KATNAL2: variants seen among roughly 807,000 people sequenced by gnomAD.
The protein encoded by KATNAL2 is katanin p60 ATPase-containing subunit A-like 2.
In KATNAL2, 52 loss-of-function variants were observed where a neutral mutation model predicts 76.3. That is an observed-to-expected ratio of 0.68 (90% CI 0.55 to 0.86). KATNAL2 has a LOEUF of 0.86. Among genes scored for constraint, KATNAL2 ranks in the 40% least tolerant of loss-of-function variants. The pLI is 0.00. For missense variants in KATNAL2, 660 were observed against 668.9 expected, an observed-to-expected ratio of 0.99 and a Z score of 0.15; for synonymous variants, 243 against 244.2, an observed-to-expected ratio of 1.00 and a Z score of 0.05.
At chr18:46,924,726 ATTTG>A (rs1226042274) in intron 1 of KATNAL2, among the ~76,000 whole-genome samples, 11 of 152,108 alleles carry the variant, frequency 7.2e-5, no homozygotes, top group African/African-American at 2.4e-4. Context: ...ATGTTCTTCC[ATTTG>A]TTTGTATCCT....
chr18:47,058,641 G>A lies in KATNAL2; in HGVS notation c.450+289G>A, dbSNP rs569402935. ...GGTGGGGCCAGGGCCCAGTCAGAGCGGGAAGGCCTGGTTGCCTTGATCCTC... is the reference window on the plus strand; with the variant it reads ...GGTGGGGCCAGGGCCCAGTCAGAGCAGGAAGGCCTGGTTGCCTTGATCCTC... On this transcript the variant is annotated intron_variant, in intron 7 of 17. Coordinates refer to ENST00000683218, the MANE Select transcript of KATNAL2 (RefSeq NM_001387690.1). Among the ~76,000 whole-genome samples the A allele has an allele frequency of 2.8e-5, 4 of 144,620 alleles. No homozygotes were observed. In the South Asian group the frequency reaches 8.3e-4, roughly 30 times the overall value. 94.9% of individuals were successfully genotyped at this position (144,620 alleles called of 152,430 possible).
intron 1 of KATNAL2, among the ~76,000 whole-genome samples, chr18:46,922,687 C>A (rs1314103723): frequency 1.3e-5 from 2 of 151,602 alleles, no homozygotes; most frequent in African/African-American, 4.8e-5. Flanking sequence ...ATCCTAGCAA[C>A]TTGGGAGGCT....
intron 3 of KATNAL2, among the ~76,000 whole-genome samples, chr18:46,949,371 A>G (rs2059481859): frequency 6.6e-6 from 1 of 151,390 alleles, no homozygotes. Context: ...CCCCACCTCA[A>G]CCTCCCAAGT....
intron 15 of KATNAL2, among the ~76,000 whole-genome samples, chr18:47,078,804 G>A (rs963747945): frequency 6.6e-6 from 1 of 151,976 alleles, no homozygotes; most frequent in African/African-American, 2.4e-5. Flanking sequence ...GGTTCACAGA[G>A]GTCAAAAAAC....
chr18:46,937,574 A>T (rs1480043879), intron 1 of KATNAL2, among the ~76,000 whole-genome samples: 1 of 152,130 alleles, frequency 6.6e-6, no homozygotes, highest in Non-Finnish European at 1.5e-5. Flanking sequence ...GCATATATAC[A>T]TGCTTCTAAA....
rs546060809 is a variant in KATNAL2, at chr18:47,073,758, G to A, written c.1009-1519G>A. ...TGATGCTTACATCTTTCAATGCACC[G>A]CCCCCCAGTTGTATGATTTAACTTC... On this transcript the variant is annotated intron_variant, in intron 13 of 17. Transcript: ENST00000683218. 3.3e-5 allele frequency among the ~76,000 whole-genome samples: 5 copies of A among 152,178 alleles called. No homozygotes were observed. The East Asian group carries it at 5.8e-4, about 18-fold the overall frequency.
intron 3 of KATNAL2, among the ~76,000 whole-genome samples, chr18:46,954,422 C>T (rs2059662758): frequency 6.6e-6 from 1 of 150,766 alleles, no homozygotes; most frequent in South Asian, 2.1e-4. Context: ...CCTCTGCCTC[C>T]CATGTTCAAG....
At chr18:47,094,386 T>C (rs764466386) in intron 15 of KATNAL2, among the ~76,000 whole-genome samples, 4 of 152,244 alleles carry the variant, frequency 2.6e-5, no homozygotes, top group Non-Finnish European at 4.4e-5. Context: ...TTTTCTTACA[T>C]CTCTCTGAGA....
intron 13 of KATNAL2, among the ~76,000 whole-genome samples, chr18:47,074,941 A>G (rs1001953993): frequency 2.0e-5 from 3 of 152,218 alleles, no homozygotes; most frequent in African/African-American, 7.2e-5. Flanking sequence ...CATATGGAAC[A>G]TATTATTGGC....
chr18:47,092,948 CAA>C (rs1487352188), intron 15 of KATNAL2, among the ~76,000 whole-genome samples: 1 of 152,218 alleles, frequency 6.6e-6, no homozygotes, highest in African/African-American at 2.4e-5. Flanking sequence ...ATGTCTTCAT[CAA>C]GAGATAGATT....
rs575024315 is a variant in KATNAL2, at chr18:47,064,464, G to A, written c.726+1103G>A. ...GGTGCTGTGAGCAGTACCCAGGGCT[G>A]AGAACACACCTATAGAAGAGGGGAC... On this transcript the variant is annotated intron_variant, in intron 10 of 17. Coordinates refer to ENST00000683218, the MANE Select transcript of KATNAL2 (RefSeq NM_001387690.1). Among the ~76,000 whole-genome samples the A allele has an allele frequency of 3.3e-5, 5 of 152,300 alleles. No individual in the cohort carries two copies. In the East Asian group the frequency reaches 9.7e-4, roughly 30 times the overall value.
chr18:47,064,021 G>A (rs976223214), intron 10 of KATNAL2, among the ~76,000 whole-genome samples: 13 of 152,100 alleles, frequency 8.5e-5, no homozygotes, highest in African/African-American at 3.1e-4. Flanking sequence ...ACCTAGGCAG[G>A]CTCAGAGGGG....
intron 1 of KATNAL2, among the ~76,000 whole-genome samples, chr18:46,935,109 C>T (rs1413879619): frequency 6.6e-6 from 1 of 151,940 alleles, no homozygotes; most frequent in East Asian, 1.9e-4. Context: ...ACCAGAGCAA[C>T]CAGAAAAAGA....
At chr18:47,054,665 C>G in intron 6 of KATNAL2, 1 of 519,492 alleles carries the variant, frequency 1.9e-6, no homozygotes, top group Non-Finnish European at 3.4e-6. Context: ...CTGTGATGCT[C>G]TGTCTTTCCA....
intron 1 of KATNAL2, among the ~76,000 whole-genome samples, chr18:46,935,341 C>T (rs1323171534): frequency 1.3e-5 from 2 of 152,138 alleles, no homozygotes; most frequent in African/African-American, 4.8e-5. Flanking sequence ...CACAGGAAGC[C>T]CAACAGGAAG....
At chr18:47,056,943 G>C (rs530393592) in intron 6 of KATNAL2, among the ~76,000 whole-genome samples, 10 of 151,516 alleles carry the variant, frequency 6.6e-5, no homozygotes, top group Non-Finnish European at 1.5e-4. Flanking sequence ...TTTTATTTTT[G>C]TGCCAGCAAA....
Position 47,054,433 on chromosome 18 carries a change from C to T in KATNAL2, c.327C>T (p.Thr109=). Residue 109 remains threonine, a synonymous_variant, in exon 6 of 18, where the codon ACC becomes ACT. Transcript: ENST00000683218. The stretch of plus-strand genomic sequence containing the variant: ...TACCGCAAAGAAGTAGAGGGAAGAC[C>T]AGAAGGTAAAGTGAATGGTAATTCT... The part of the protein sequence containing the change: ...NNLPQRSRGK[T]RRMMNDSCQN... 2 of 1,613,486 alleles carry T rather than the reference C, an allele frequency of 1.2e-6. No homozygotes were observed. The highest frequency in any genetic ancestry group is 1.7e-6 in the Non-Finnish European group (2 of 1,179,460).
At chr18:46,930,321 A>G (rs1236183803) in intron 1 of KATNAL2, among the ~76,000 whole-genome samples, 1 of 152,162 alleles carries the variant, frequency 6.6e-6, no homozygotes, top group African/African-American at 2.4e-5. Flanking sequence ...ACATATCACT[A>G]ATATATTCAG....
At chr18:47,094,836 C>T (rs2063158862) in intron 15 of KATNAL2, among the ~76,000 whole-genome samples, 1 of 152,104 alleles carries the variant, frequency 6.6e-6, no homozygotes, top group South Asian at 2.1e-4. Flanking sequence ...GCCTGGAGAC[C>T]CTCCATTTTA....
Sources: gnomAD v4.1 joint callset for allele counts (sites outside exome capture counted in the v4.1 genomes callset) on GRCh38, gnomAD v4.1.1 for gene constraint, MANE v1.5 for transcripts, NCBI Gene and HGNC (gene_info 2026-07-23, HGNC 2026-07-21) for gene names.